STMN1: variants seen among roughly 807,000 people sequenced by gnomAD.
The protein encoded by STMN1 is stathmin.
In STMN1, 3 loss-of-function variants were observed where a neutral mutation model predicts 19.7. The observed-to-expected ratio is 0.15, with a 90% confidence interval of 0.07 to 0.39. The LOEUF (loss-of-function observed/expected upper bound fraction) is 0.39, where lower values mean the gene tolerates loss of function less well. STMN1 is among the 10% of genes least tolerant of loss of function. STMN1 has a pLI of 1.00. For missense variants in STMN1, 99 were observed against 176.0 expected, an observed-to-expected ratio of 0.56 and a Z score of 2.48; for synonymous variants, 59 against 58.9, an observed-to-expected ratio of 1.00 and a Z score of -0.01.
intron 4 of STMN1, among the ~76,000 whole-genome samples, chr1:25,894,620 C>A (rs2124235755): frequency 6.6e-6 from 1 of 152,240 alleles, no homozygotes; most frequent in South Asian, 2.1e-4. Context: ...GTTGAGGCTG[C>A]AGTGAGCTGT....
chr1:25,887,153 T>G (rs897216095), intron 4 of STMN1, among the ~76,000 whole-genome samples: 2 of 152,188 alleles, frequency 1.3e-5, no homozygotes, highest in African/African-American at 4.8e-5. Context: ...TAGAGAAAGC[T>G]TCTTAAAAAG....
downstream of STMN1, among the ~76,000 whole-genome samples, chr1:25,897,323 A>AAG (rs1216047740): frequency 7.0e-6 from 1 of 143,594 alleles, no homozygotes; most frequent in East Asian, 2.0e-4. Flanking sequence ...AAAAAAAAAA[A>AAG]AAAGAAAAGA....
At chr1:25,896,736 C>T (rs753809981), downstream of STMN1, among the ~76,000 whole-genome samples, 4 of 152,344 alleles carry the variant, frequency 2.6e-5, no homozygotes, top group Admixed American at 1.3e-4. Context: ...CCCTTTCCTA[C>T]GCCCTTAAGT....
Position 25,892,680 on chromosome 1 carries a change from C to T in STMN1, c.379-6811G>A, listed in dbSNP as rs566171639. The T allele has an allele frequency of 1.9e-4, 162 of 850,352 alleles. No individual in the cohort carries two copies. In the African/African-American group the frequency reaches 2.7e-3, roughly 14 times the overall value. The allele number at this position is 850,352 out of a possible 1,614,324, so 52.7% of individuals were successfully genotyped here. A position where few individuals can be genotyped will look rare whatever the true frequency, so the allele number is the denominator to read the frequency against. On this transcript the variant is annotated intron_variant, in intron 4 of 4. Transcript: ENST00000426559. Reference sequence around the variant, plus strand: ...GCTGGGCCTCTAAACCAAACGCCCCCGGGCCTCTCATCTAGCCTTCCTGGC... The same window carrying T: ...GCTGGGCCTCTAAACCAAACGCCCCTGGGCCTCTCATCTAGCCTTCCTGGC...
downstream of STMN1, among the ~76,000 whole-genome samples, chr1:25,897,896 C>T (rs1382311114): frequency 1.3e-5 from 2 of 152,158 alleles, no homozygotes; most frequent in Non-Finnish European, 2.9e-5. Context: ...CTTTCTCCTC[C>T]AGCTTCCCAA....
chr1:25,903,676 G>C lies in STMN1; in HGVS notation c.151C>G (p.Gln51Glu). The C allele has an allele frequency of 6.2e-7, 1 of 1,613,274 alleles. No homozygotes were observed. The highest frequency in any genetic ancestry group is 1.3e-5 in the African/African-American group (1 of 74,954). Reference sequence around the variant, plus strand: ...TCTTCTGCAGCTTCTAATTTCTTCTGAATTTCCTCCAGGGAAAGATCCTTC... The same window carrying C: ...TCTTCTGCAGCTTCTAATTTCTTCTCAATTTCCTCCAGGGAAAGATCCTTC... The part of the protein sequence containing the change: ...KKKDLSLEEI[Q>E]KKLEAAEERR... The change falls in exon 3 of 5, where the codon CAG becomes GAG. Residue 51 changes from glutamine to glutamate, a missense_variant. Transcript: ENST00000455785.
chr1:25,887,331 G>A (rs1021675155), intron 4 of STMN1: 7 of 214,416 alleles, frequency 3.3e-5, no homozygotes, highest in Non-Finnish European at 4.8e-5. Flanking sequence ...AGGTTGTCCA[G>A]GAGCCTGCAG....
intron 4 of STMN1, among the ~76,000 whole-genome samples, chr1:25,888,320 C>A (rs2048742471): frequency 6.6e-6 from 1 of 152,164 alleles, no homozygotes; most frequent in African/African-American, 2.4e-5. Flanking sequence ...CATACCCCAC[C>A]ACCCTTGGGA....
chr1:25,885,895 G>C, intron 4 of STMN1: 1 of 1,535,714 alleles, frequency 6.5e-7, no homozygotes, highest in Non-Finnish European at 8.8e-7. Context: ...AAATCACCAG[G>C]TCATCTGCAA....
downstream of STMN1, among the ~76,000 whole-genome samples, chr1:25,896,297 C>G (rs1252766964): frequency 6.6e-6 from 1 of 152,122 alleles, no homozygotes; most frequent in African/African-American, 2.4e-5. Flanking sequence ...TTATTAGTTG[C>G]TGCTATTAAA....
downstream of STMN1, among the ~76,000 whole-genome samples, chr1:25,898,884 CTCT>C (rs1252118346): frequency 1.3e-5 from 2 of 152,262 alleles, no homozygotes; most frequent in Admixed American, 1.3e-4. Flanking sequence ...ACCGCTCCTC[CTCT>C]TCACTCCAAG....
At position 25,900,893 on chromosome 1, in the gene STMN1, C is replaced by T. The variant is rs991695299; in HGVS notation, c.*123G>A. 9.7e-6 allele frequency: 15 copies of T among 1,546,128 alleles called. No individual in the cohort carries two copies. In the African/African-American group the frequency reaches 1.7e-4, roughly 17 times the overall value. On this transcript the variant is annotated 3_prime_UTR_variant, in exon 5 of 5. Coordinates refer to ENST00000455785, the MANE Select transcript of STMN1 (RefSeq NM_005563.4). ...TCTTACAGTCTGGATCTGGATCTACCTATACAGTCCTACATTAGCTTCTAA... is the reference window on the plus strand; with the variant it reads ...TCTTACAGTCTGGATCTGGATCTACTTATACAGTCCTACATTAGCTTCTAA...
At position 25,904,787 on chromosome 1, in the gene STMN1, A is replaced by G. The variant is rs1456040764; in HGVS notation, c.-62-49T>C. On this transcript the variant is annotated intron_variant, in intron 1 of 4. Coordinates refer to ENST00000455785, the MANE Select transcript of STMN1 (RefSeq NM_005563.4). ...GCAATCACTTTCTTTGCCTTTCTAT[A>G]TGTCATCAACCCAAAAAAATCTCAC... 4.0e-6 allele frequency: 6 copies of G among 1,500,232 alleles called. No homozygotes were observed. The Admixed American group carries it at 1.3e-4, about 32-fold the overall frequency. 92.9% of individuals were successfully genotyped at this position (1,500,232 alleles called of 1,614,324 possible).
downstream of STMN1, chr1:25,900,045 C>A: frequency 2.0e-6 from 2 of 977,598 alleles, no homozygotes; most frequent in Non-Finnish European, 2.4e-6. Context: ...GACGTATCTG[C>A]CAACCTTAAC....
At chr1:25,895,099 C>CTTTTTTTTTTTTT (rs34587140) in intron 4 of STMN1, among the ~76,000 whole-genome samples, 1 of 113,404 alleles carries the variant, frequency 8.8e-6, no homozygotes, top group Non-Finnish European at 1.8e-5. Context: ...TATTATACGT[C>CTTTTTTTTTTTTT]TTTTTTTTTT....
intron 4 of STMN1, chr1:25,887,406 GAA>G (rs1328332640): frequency 5.9e-6 from 2 of 338,730 alleles, no homozygotes; most frequent in African/African-American, 4.5e-5. Flanking sequence ...GGGTTAACAG[GAA>G]AGCCGGTGAT....
chr1:25,903,866 A>C, intron 2 of STMN1, 53 bp from the exon 3 acceptor site: 1 of 1,528,428 alleles, frequency 6.5e-7, no homozygotes, highest in Admixed American at 2.3e-5. Context: ...CTGTTCTAAT[A>C]AACTGTACTA....
intron 4 of STMN1, among the ~76,000 whole-genome samples, chr1:25,890,788 A>T (rs552823769): frequency 1.3e-5 from 2 of 152,248 alleles, no homozygotes; most frequent in South Asian, 2.1e-4. Flanking sequence ...GTATCCAGGG[A>T]CTGAGTCAGA....
At chr1:25,897,042 C>T (rs752903453), downstream of STMN1, among the ~76,000 whole-genome samples, 5 of 152,118 alleles carry the variant, frequency 3.3e-5, no homozygotes, top group African/African-American at 9.7e-5. Context: ...TTGCCAGGCG[C>T]GGTGGCTCAT....
Sources: gnomAD v4.1 joint callset for allele counts (sites outside exome capture counted in the v4.1 genomes callset) on GRCh38, gnomAD v4.1.1 for gene constraint, MANE v1.5 for transcripts, NCBI Gene and HGNC (gene_info 2026-07-23, HGNC 2026-07-21) for gene names.